BRINP3: variants seen among roughly 807,000 people sequenced by gnomAD.
BRINP3 encodes the protein BMP/retinoic acid inducible neural specific 3.
BRINP3 carries 19 observed loss-of-function variants against 71.0 expected under a neutral mutation model. The observed-to-expected ratio is 0.27, with a 90% CI of 0.19 to 0.39. BRINP3 has a LOEUF of 0.39. Among genes scored for constraint, BRINP3 ranks in the 10% least tolerant of loss-of-function variants. BRINP3 has a pLI of 1.00. For synonymous variants in BRINP3, 380 were observed against 337.7 expected (o/e 1.13, Z -1.37); for missense variants, 959 against 940.8 (o/e 1.02, Z -0.25).
At chr1:190,240,931 A>C (rs1344783923) in intron 4 of BRINP3, among the ~76,000 whole-genome samples, 1 of 150,788 alleles carries the variant, frequency 6.6e-6, no homozygotes, top group Non-Finnish European at 1.5e-5. Context: ...GAAATATAAA[A>C]ATATCTTTAA....
intron 7 of BRINP3, among the ~76,000 whole-genome samples, chr1:190,132,472 A>T (rs1351378264): frequency 1.3e-5 from 2 of 152,078 alleles, no homozygotes; most frequent in African/African-American, 2.4e-5. Flanking sequence ...TTGCATTTTA[A>T]GCTGTTTGTA....
At chr1:190,457,170 G>T (rs755912705) in intron 1 of BRINP3, among the ~76,000 whole-genome samples, 37 of 152,050 alleles carry the variant, frequency 2.4e-4, no homozygotes, top group Admixed American at 1.2e-3. Context: ...GGCCAGGCAC[G>T]GTAGCTCACG....
At chr1:190,462,776 T>G (rs1040933274) in intron 1 of BRINP3, among the ~76,000 whole-genome samples, 13 of 152,088 alleles carry the variant, frequency 8.5e-5, no homozygotes, top group Non-Finnish European at 1.3e-4. Context: ...TGTACTCTAC[T>G]GTAACCTAAA....
intron 5 of BRINP3, among the ~76,000 whole-genome samples, chr1:190,229,952 C>T (rs1309400010): frequency 6.6e-6 from 1 of 151,590 alleles, no homozygotes; most frequent in African/African-American, 2.4e-5. Context: ...AATAACAAAA[C>T]AGACAATATG....
chr1:190,277,115 A>ATATATATATT (rs1212564236), intron 3 of BRINP3, among the ~76,000 whole-genome samples: 2 of 129,294 alleles, frequency 1.5e-5, no homozygotes, highest in African/African-American at 5.4e-5. Flanking sequence ...ATATATATAT[A>ATATATATATT]TATTTATATT....
chr1:190,164,600 T>G (rs2102472111), intron 6 of BRINP3, among the ~76,000 whole-genome samples: 1 of 152,290 alleles, frequency 6.6e-6, no homozygotes, highest in South Asian at 2.1e-4. Context: ...TTTTATTTAT[T>G]ATTTTTTAGA....
At position 190,264,918 on chromosome 1, in the gene BRINP3, C is replaced by T; in HGVS notation, c.565G>A (p.Asp189Asn). 1.2e-6 allele frequency: 2 copies of T among 1,613,856 alleles called. No homozygotes were observed. The highest frequency in any genetic ancestry group is 1.7e-6 in the Non-Finnish European group (2 of 1,179,944). The change falls in exon 4 of 8, where the codon GAC becomes AAC. Residue 189 changes from aspartate to asparagine, a missense_variant. By Grantham distance (23) the Asp-to-Asn change is conservative. Transcript: ENST00000367462. ...TGGTGAAGTCTCCGAAGGGTGCTGT[C>T]CCTGTCAATGAAATAAGAAGCGGCT... is the stretch of plus-strand genomic sequence containing the variant. ...QLAASYFIDR[D>N]STLRRLHHIQ... is the part of the protein sequence containing the mutation.
At chr1:190,219,914 A>T (rs1223219989) in intron 6 of BRINP3, among the ~76,000 whole-genome samples, 1 of 151,712 alleles carries the variant, frequency 6.6e-6, no homozygotes, top group Non-Finnish European at 1.5e-5. Context: ...AAACAAGCAA[A>T]CAAATGAAAA....
At chr1:190,263,834 C>G (rs577798330) in intron 4 of BRINP3, among the ~76,000 whole-genome samples, 2 of 152,040 alleles carry the variant, frequency 1.3e-5, no homozygotes, top group African/African-American at 4.8e-5. Flanking sequence ...GTGATCCCCC[C>G]GCCTCGGCCT....
intron 6 of BRINP3, among the ~76,000 whole-genome samples, chr1:190,182,304 C>T (rs1653097315): frequency 6.6e-6 from 1 of 152,028 alleles, no homozygotes; most frequent in African/African-American, 2.4e-5. Flanking sequence ...TTCTTGCAGG[C>T]TTCTGATGAC....
intron 6 of BRINP3, among the ~76,000 whole-genome samples, chr1:190,190,628 AT>A (rs1653953785): frequency 6.6e-6 from 1 of 152,102 alleles, no homozygotes; most frequent in South Asian, 2.1e-4. Context: ...GAGCATACTG[AT>A]TCTTGCCTAT....
chr1:190,395,765 CTAAG>C (rs1671525727), intron 2 of BRINP3, among the ~76,000 whole-genome samples: 1 of 151,752 alleles, frequency 6.6e-6, no homozygotes, highest in Non-Finnish European at 1.5e-5. Flanking sequence ...CGATTCTTAA[CTAAG>C]TTTTATTCAG....
At chr1:190,256,308 C>A (rs1042949725) in intron 4 of BRINP3, among the ~76,000 whole-genome samples, 1 of 151,928 alleles carries the variant, frequency 6.6e-6, no homozygotes, top group African/African-American at 2.4e-5. Context: ...ACTAGGATTG[C>A]AACCCCTGCT....
intron 1 of BRINP3, among the ~76,000 whole-genome samples, chr1:190,461,456 A>G (rs1366807776): frequency 2.6e-5 from 4 of 152,090 alleles, no homozygotes; most frequent in Non-Finnish European, 1.5e-5. Flanking sequence ...TACTTTCCCT[A>G]TGATGGTACA....
In BRINP3 at chr1:190,442,801, CGTGTGT is replaced by C. The variant is rs35183761; in HGVS notation, c.236+11848_236+11853del. Among the ~76,000 whole-genome samples, 597 of 132,720 alleles carry C rather than the reference CGTGTGT, an allele frequency of 4.5e-3. 8 individuals are homozygous for C. Among genetic ancestry groups the C allele is most frequent in the African/African-American group, 0.015 (533 of 36,164 alleles). The allele number at this position is 132,720 out of a possible 152,430, so 87.1% of individuals were successfully genotyped here. On this transcript the variant is annotated intron_variant, in intron 2 of 7. Transcript: ENST00000367462. ...TGTGTGTATTTTCTTCATGCCTGTG[CGTGTGT>C]GTGTGTGTGTGTGTGTGTGTGTAAT...
In BRINP3 at chr1:190,160,792, G is replaced by T. The variant is rs200210126; in HGVS notation, c.1060C>A (p.Arg354Ser). The change falls in exon 7 of 8, where the codon CGT (arginine) becomes AGT (serine). Residue 354 changes from arginine (R) to serine (S), a missense_variant. By Grantham distance (110) the Arg-to-Ser change is moderately radical (BLOSUM62 -1). Coordinates refer to ENST00000367462, the MANE Select transcript of BRINP3 (RefSeq NM_199051.3). ...LWTMDSNFQR[R>S]YEQLENSMKQ... is the part of the protein sequence containing the mutation. ...ATGCTGTTCTCCAGTTGTTCATAACGGCGCTGAAAATTAGAATCCATTGTC... is the reference window on the plus strand; with the variant it reads ...ATGCTGTTCTCCAGTTGTTCATAACTGCGCTGAAAATTAGAATCCATTGTC... The T allele has an allele frequency of 3.1e-6, 5 of 1,613,508 alleles. No individual in the cohort carries two copies. Among genetic ancestry groups the T allele is most frequent in the Non-Finnish European group, 4.2e-6 (5 of 1,179,676 alleles).
chr1:190,181,693 T>C (rs942911690), intron 6 of BRINP3, among the ~76,000 whole-genome samples: 23 of 152,038 alleles, frequency 1.5e-4, no homozygotes, highest in African/African-American at 5.1e-4. Flanking sequence ...CATTCATTTA[T>C]AATGTAATTA....
chr1:190,319,325 T>C (rs1239737774), intron 2 of BRINP3, among the ~76,000 whole-genome samples: 1 of 152,118 alleles, frequency 6.6e-6, no homozygotes, highest in Non-Finnish European at 1.5e-5. Flanking sequence ...GGCCTCATTT[T>C]GGGTTTTGGC....
intron 4 of BRINP3, among the ~76,000 whole-genome samples, chr1:190,248,662 G>A (rs936908358): frequency 6.6e-6 from 1 of 151,160 alleles, no homozygotes; most frequent in Non-Finnish European, 1.5e-5. Flanking sequence ...TGTCACATTT[G>A]TTATTATTTA....
Sources: allele counts gnomAD v4.1 joint callset (sites outside exome capture counted in the v4.1 genomes callset), GRCh38; gene constraint gnomAD v4.1.1; transcripts MANE v1.5; gene names NCBI Gene and HGNC (gene_info 2026-07-23, HGNC 2026-07-21).